Variants in TFCP2 observed in about 807,000 individuals in gnomAD.
TFCP2 encodes the protein alpha-globin transcription factor CP2.
In TFCP2, 33 loss-of-function variants were observed where a neutral mutation model predicts 73.4. The ratio of observed to expected loss-of-function variants is 0.45; its 90% CI spans 0.34 to 0.60. The LOEUF (loss-of-function observed/expected upper bound fraction) is 0.60, where lower values mean the gene tolerates loss of function less well. TFCP2 is among the 20% of genes least tolerant of loss of function. The probability of loss-of-function intolerance (pLI) is 0.01; values close to 1 mark genes in which losing one functional copy is unlikely to be tolerated. For synonymous variants in TFCP2, 193 were observed against 211.6 expected, an observed-to-expected ratio of 0.91 and a Z score of 0.76; for missense variants, 352 against 604.0, an observed-to-expected ratio of 0.58 and a Z score of 4.37.
At chr12:51,163,822 A>G (rs1429740614) in intron 1 of TFCP2, among the ~76,000 whole-genome samples, 2 of 152,132 alleles carry the variant, frequency 1.3e-5, no homozygotes, top group African/African-American at 4.8e-5. Context: ...CTCTAACTTC[A>G]GACCTTAAGG....
rs2136954118 is a variant in TFCP2 at position 51,095,124 on chromosome 12, ACAGT to A, written c.*113_*116del. Reference sequence around the variant, plus strand: ...CTCCATGGCCTGGACTCCTCCACACACAGTCAGACGAGTCAGGTTCTTGCAGACC... The same window carrying A: ...CTCCATGGCCTGGACTCCTCCACACACAGACGAGTCAGGTTCTTGCAGACC... On this transcript the variant is annotated 3_prime_UTR_variant, in exon 15 of 15. Coordinates refer to ENST00000257915, the MANE Select transcript of TFCP2 (RefSeq NM_005653.5). 8.5e-7 allele frequency: 1 copy of A among 1,172,354 alleles called. No individual in the cohort carries two copies. Among genetic ancestry groups the A allele is most frequent in the African/African-American group, 1.5e-5 (1 of 66,524 alleles). 72.6% of individuals were successfully genotyped at this position (1,172,354 alleles called of 1,614,324 possible).
intron 3 of TFCP2, 80 bp downstream of exon 3, chr12:51,117,591 A>G (rs1405375761): frequency 8.6e-7 from 1 of 1,168,440 alleles, no homozygotes; most frequent in Non-Finnish European, 1.2e-6. Context: ...GCAAAAGAAC[A>G]TTAACAACAA....
chr12:51,108,548 C>A (rs1378305081), intron 6 of TFCP2, among the ~76,000 whole-genome samples: 1 of 152,088 alleles, frequency 6.6e-6, no homozygotes, highest in Non-Finnish European at 1.5e-5. Flanking sequence ...CCAAGGAGGG[C>A]AGATAACTTA....
chr12:51,156,428 C>A (rs1280629752), intron 1 of TFCP2, among the ~76,000 whole-genome samples: 1 of 152,104 alleles, frequency 6.6e-6, no homozygotes. Context: ...AGGGACCACA[C>A]CAAGCCATTC....
At chr12:51,147,625 C>T (rs964047660) in intron 1 of TFCP2, among the ~76,000 whole-genome samples, 1 of 152,034 alleles carries the variant, frequency 6.6e-6, no homozygotes, top group Non-Finnish European at 1.5e-5. Flanking sequence ...CATCTCTCAC[C>T]TTATACAAAA....
Position 51,104,143 on chromosome 12 carries a change from CT to C in TFCP2, c.966+11del. ...GACATTGCAAGTAACTGACATTCAACTTTAGACTTACATCTGTGACTGGAGG... is the reference window on the plus strand; with the variant it reads ...GACATTGCAAGTAACTGACATTCAACTTAGACTTACATCTGTGACTGGAGG... On this transcript the variant is annotated intron_variant, in intron 9 of 14. Coordinates refer to ENST00000257915, the MANE Select transcript of TFCP2 (RefSeq NM_005653.5). 6.2e-7 allele frequency: 1 copy of C among 1,613,964 alleles called. No individual in the cohort carries two copies. The highest frequency in any genetic ancestry group is 8.5e-7 in the Non-Finnish European group (1 of 1,179,860).
rs1322067847 is a variant in TFCP2 at position 51,096,022 on chromosome 12, C to T, written c.1438G>A (p.Glu480Lys). The T allele has an allele frequency of 6.2e-7, 1 of 1,613,128 alleles. No homozygotes were observed. Among genetic ancestry groups the T allele is most frequent in the Admixed American group, 1.7e-5 (1 of 59,864 alleles). ...ISDEMIQNFQEEACFILDTMK... is the reference protein window; with the variant it reads ...ISDEMIQNFQKEACFILDTMK... ...GTGTCCAGAATAAAACATGCTTCTTCCTGAAAGTTCTGTATCATCTGAAAA... is the reference window on the plus strand; with the variant it reads ...GTGTCCAGAATAAAACATGCTTCTTTCTGAAAGTTCTGTATCATCTGAAAA... The change falls in exon 14 of 15, where the codon GAA becomes AAA. Residue 480 changes from glutamate to lysine, a missense_variant. By Grantham distance (56) the Glu-to-Lys change is moderately conservative. This residue lies in a region of TFCP2 where 194 missense variants were observed against 256.3 expected (regional missense o/e 0.76). Coordinates refer to ENST00000257915, the MANE Select transcript of TFCP2 (RefSeq NM_005653.5).
chr12:51,152,195 C>T (rs760370978), intron 1 of TFCP2, among the ~76,000 whole-genome samples: 15 of 152,236 alleles, frequency 9.9e-5, no homozygotes, highest in East Asian at 7.7e-4. Context: ...TAATATGATA[C>T]GCAGAGAACT....
intron 1 of TFCP2, among the ~76,000 whole-genome samples, chr12:51,121,983 T>C: frequency 6.6e-6 from 1 of 152,136 alleles, no homozygotes; most frequent in Non-Finnish European, 1.5e-5. Flanking sequence ...GCAAAGACAC[T>C]ATTGACAGAA....
chr12:51,100,652 C>CA (rs1380018711), intron 11 of TFCP2, among the ~76,000 whole-genome samples: 1 of 152,170 alleles, frequency 6.6e-6, no homozygotes, highest in East Asian at 1.9e-4. Flanking sequence ...CCCGCCTCTA[C>CA]AAAAAGTACA....
intron 1 of TFCP2, among the ~76,000 whole-genome samples, chr12:51,142,930 T>G (rs951947174): frequency 2.0e-5 from 3 of 152,162 alleles, no homozygotes; most frequent in African/African-American, 7.2e-5. Context: ...ATCTTACTTC[T>G]GTTTTCAGGA....
chr12:51,106,455 G>A lies in TFCP2; in HGVS notation c.917+70C>T, dbSNP rs1193467916. 17 of 1,150,014 alleles carry A rather than the reference G, an allele frequency of 1.5e-5. No homozygotes were observed. The East Asian group carries it at 3.6e-4, about 24-fold the overall frequency. 71.2% of individuals were successfully genotyped at this position (1,150,014 alleles called of 1,614,324 possible). A position where few individuals can be genotyped will look rare whatever the true frequency, so the allele number is the denominator to read the frequency against. On this transcript the variant is annotated intron_variant, in intron 8 of 14. Transcript: ENST00000257915. The stretch of plus-strand genomic sequence containing the variant: ...TACTTATTGATTTAAAAAAGATCTT[G>A]TTTATGAACAGGTAATGAAAGAATA...
At chr12:51,095,864 A>G in intron 14 of TFCP2, 125 bp downstream of exon 14, 2 of 615,254 alleles carry the variant, frequency 3.3e-6, no homozygotes, top group Non-Finnish European at 5.3e-6. Context: ...ACAATCTCTA[A>G]TATTGTCACT....
At chr12:51,141,092 A>G (rs776673984) in intron 1 of TFCP2, among the ~76,000 whole-genome samples, 28 of 66,638 alleles carry the variant, frequency 4.2e-4, no homozygotes, top group African/African-American at 9.4e-4. Flanking sequence ...TAAAAAAATA[A>G]TATTTTTTAC....
At chr12:51,104,934 G>T (rs749765389) in intron 8 of TFCP2, among the ~76,000 whole-genome samples, 7 of 151,772 alleles carry the variant, frequency 4.6e-5, no homozygotes, top group Non-Finnish European at 7.4e-5. Flanking sequence ...GGATGGTCTC[G>T]ATCTCCTGAC....
rs1480143770 is a variant in TFCP2, at chr12:51,125,659, A to G, written c.123-6887T>C. 6.6e-5 allele frequency among the ~76,000 whole-genome samples: 10 copies of G among 152,380 alleles called. No individual in the cohort carries two copies. In the East Asian group the frequency reaches 1.9e-3, roughly 29 times the overall value. ...GTCTTGCTCAATTCCAGAATCATAA[A>G]GAAAGCCAATTGAGATCTTTTAAAT... On this transcript the variant is annotated intron_variant, in intron 1 of 14. Transcript: ENST00000257915.
Position 51,106,509 on chromosome 12 carries a change from T to C in TFCP2, c.917+16A>G. On this transcript the variant is annotated intron_variant, in intron 8 of 14. Coordinates refer to ENST00000257915, the MANE Select transcript of TFCP2 (RefSeq NM_005653.5). ...ATTTTGGACAAATATAAGCCAATTTTATTTCCCAGACTTACCCTTCCCCAA... is the reference window on the plus strand; with the variant it reads ...ATTTTGGACAAATATAAGCCAATTTCATTTCCCAGACTTACCCTTCCCCAA... The C allele has an allele frequency of 1.3e-6, 2 of 1,594,752 alleles. No homozygotes were observed. The highest frequency in any genetic ancestry group is 2.3e-5 in the South Asian group (2 of 88,200).
At chr12:51,147,151 T>C (rs926134242) in intron 1 of TFCP2, among the ~76,000 whole-genome samples, 6 of 152,158 alleles carry the variant, frequency 3.9e-5, no homozygotes, top group African/African-American at 1.4e-4. Flanking sequence ...GAGACCAGCC[T>C]GGCCAATATA....
rs748889776 is a variant in TFCP2 at position 51,099,693 on chromosome 12, T to C, written c.1238A>G (p.Gln413Arg). ...EQQQQQQQQQ[Q>R]KHEDGDSNGT... ...ATTTGAGTCTCCATCCTCATGCTTCTGCTGCTGTTGCTGCTGCTGTTGTTG... is the reference window on the plus strand; with the variant it reads ...ATTTGAGTCTCCATCCTCATGCTTCCGCTGCTGTTGCTGCTGCTGTTGTTG... Residue 413 changes from glutamine to arginine, a missense_variant, in exon 12 of 15, where the codon CAG (glutamine) becomes CGG (arginine). Around this residue, in one of 6 missense-constraint regions of TFCP2, gnomAD observed 194 missense variants for 256.3 expected, o/e 0.76. Coordinates refer to ENST00000257915, the MANE Select transcript of TFCP2 (RefSeq NM_005653.5). 1 of 1,614,222 alleles carries C rather than the reference T, an allele frequency of 6.2e-7. No homozygotes were observed. Among genetic ancestry groups the C allele is most frequent in the East Asian group, 2.2e-5 (1 of 44,884 alleles).
Sources: allele counts gnomAD v4.1 joint callset (sites outside exome capture counted in the v4.1 genomes callset), GRCh38; gene constraint gnomAD v4.1.1; regional missense constraint gnomAD v4.1.1; transcripts MANE v1.5; gene names NCBI Gene and HGNC (gene_info 2026-07-23, HGNC 2026-07-21).